SCFD2: variants seen among roughly 807,000 people sequenced by gnomAD.
SCFD2 encodes sec1 family domain-containing protein 2.
A neutral mutation model predicts 58.9 loss-of-function variants in SCFD2; 54 were observed. The observed-to-expected ratio is 0.92, with a 90% CI of 0.74 to 1.15. The LOEUF (loss-of-function observed/expected upper bound fraction) is 1.15. SCFD2 is among the 50% of genes most tolerant of loss of function. The pLI, the probability that SCFD2 is intolerant of heterozygous loss-of-function variation, is 0.00. For synonymous variants in SCFD2, 321 were observed against 335.9 expected (o/e 0.96, Z 0.49); for missense variants, 805 against 836.6 (o/e 0.96, Z 0.47).
At chr4:53,114,231 T>A (rs1725255767) in intron 5 of SCFD2, among the ~76,000 whole-genome samples, 1 of 152,148 alleles carries the variant, frequency 6.6e-6, no homozygotes, top group African/African-American at 2.4e-5. Context: ...TTTTGTTAAA[T>A]ACACACAAAT....
At chr4:53,232,041 G>C (rs1423539168) in intron 4 of SCFD2, among the ~76,000 whole-genome samples, 2 of 152,034 alleles carry the variant, frequency 1.3e-5, no homozygotes, top group Non-Finnish European at 2.9e-5. Flanking sequence ...AGACAGAAGA[G>C]AAATTCTATA....
intron 4 of SCFD2, among the ~76,000 whole-genome samples, chr4:53,263,275 T>C (rs1730881780): frequency 6.6e-6 from 1 of 152,160 alleles, no homozygotes; most frequent in Non-Finnish European, 1.5e-5. Context: ...TCATCTTGGT[T>C]TGGATTGCTG....
intron 4 of SCFD2, among the ~76,000 whole-genome samples, chr4:53,146,812 T>C: frequency 6.6e-6 from 1 of 152,206 alleles, no homozygotes; most frequent in East Asian, 1.9e-4. Context: ...TTCTAATTTT[T>C]ATTAGTTATT....
chr4:53,365,333 C>T lies in SCFD2; in HGVS notation c.609G>A (p.Val203=). ...GCTCTGGGGTTAGCGTAGTGGAGTC[C>T]ACATCACCCAGGCTTCCCAGCTTCC... ...DKRKLGSLGD[V]DSTTLTPELL... The change falls in exon 1 of 9, where the codon GTG becomes GTA. Residue 203 remains valine, a synonymous_variant. Transcript: ENST00000401642. This position sits in a 1 kb window ranked among gnomAD's most constrained non-coding sequence, Gnocchi z 4.3. The T allele has an allele frequency of 1.2e-6, 2 of 1,614,186 alleles. No individual in the cohort carries two copies. The highest frequency in any genetic ancestry group is 1.7e-6 in the Non-Finnish European group (2 of 1,180,036).
At chr4:53,231,072 G>A (rs535333478) in intron 4 of SCFD2, among the ~76,000 whole-genome samples, 1 of 152,070 alleles carries the variant, frequency 6.6e-6, no homozygotes, top group African/African-American at 2.4e-5. Context: ...ACAACTGATA[G>A]GTATTATTAT....
chr4:53,165,771 C>T (rs1726988884), intron 4 of SCFD2, among the ~76,000 whole-genome samples: 1 of 152,178 alleles, frequency 6.6e-6, no homozygotes, highest in Non-Finnish European at 1.5e-5. Flanking sequence ...GCTGTAGCCC[C>T]AGTGTCTAAA....
chr4:52,985,264 T>C (rs1030596682), intron 5 of SCFD2, among the ~76,000 whole-genome samples: 1 of 152,210 alleles, frequency 6.6e-6, no homozygotes, highest in Admixed American at 6.5e-5. Flanking sequence ...CATGTGTTAG[T>C]GAAAACACAG....
chr4:53,347,686 G>A (rs1417643649), intron 2 of SCFD2, among the ~76,000 whole-genome samples: 27 of 152,166 alleles, frequency 1.8e-4, no homozygotes, highest in Admixed American at 1.4e-3. Flanking sequence ...GACCCAGCAC[G>A]TCCAATTGGA....
At chr4:52,897,939 G>A (rs187148364) in intron 7 of SCFD2, among the ~76,000 whole-genome samples, 188 of 152,306 alleles carry the variant, frequency 1.2e-3, no homozygotes, top group African/African-American at 4.3e-3. Context: ...TAGTTTATTT[G>A]CGCAGAGGTG....
At chr4:53,201,124 T>C (rs559878624) in intron 4 of SCFD2, among the ~76,000 whole-genome samples, 10 of 152,216 alleles carry the variant, frequency 6.6e-5, no homozygotes, top group South Asian at 6.2e-4. Context: ...GCTGCACCCA[T>C]TAATTCGTCA....
chr4:53,068,057 C>T (rs1577701093), intron 5 of SCFD2, among the ~76,000 whole-genome samples: 1 of 152,146 alleles, frequency 6.6e-6, no homozygotes, highest in East Asian at 1.9e-4. Flanking sequence ...GCCCTTATGA[C>T]TTATTAAAAC....
At chr4:53,028,509 G>A (rs963312989) in intron 5 of SCFD2, among the ~76,000 whole-genome samples, 1 of 152,046 alleles carries the variant, frequency 6.6e-6, no homozygotes. Flanking sequence ...GAGGAACTAT[G>A]TCTTATTTTT....
chr4:53,146,897 C>T (rs1726348073), intron 4 of SCFD2, among the ~76,000 whole-genome samples: 2 of 152,160 alleles, frequency 1.3e-5, no homozygotes, highest in African/African-American at 4.8e-5. Flanking sequence ...ACAGTATATA[C>T]AGGATTCAGG....
At chr4:52,919,178 C>T (rs529652804) in intron 6 of SCFD2, among the ~76,000 whole-genome samples, 30 of 152,248 alleles carry the variant, frequency 2.0e-4, no homozygotes, top group African/African-American at 5.3e-4. Context: ...TACATGTTTA[C>T]GTGAAGTTGG....
intron 5 of SCFD2, among the ~76,000 whole-genome samples, chr4:52,990,683 T>C (rs772437393): frequency 6.6e-6 from 1 of 152,216 alleles, no homozygotes; most frequent in Non-Finnish European, 1.5e-5. Context: ...AGTATTCTCT[T>C]ACTAAAGCAT....
At chr4:53,179,832 A>T (rs1486740744) in intron 4 of SCFD2, among the ~76,000 whole-genome samples, 8 of 152,198 alleles carry the variant, frequency 5.3e-5, no homozygotes, top group Non-Finnish European at 1.0e-4. Context: ...GAAAACAAAA[A>T]AAGGCAGGGG....
chr4:52,991,123 A>T (rs1047832643), intron 5 of SCFD2, among the ~76,000 whole-genome samples: 1 of 152,118 alleles, frequency 6.6e-6, no homozygotes, highest in Non-Finnish European at 1.5e-5. Context: ...TCTGGCCTGC[A>T]GGGAAGCTTG....
At chr4:53,255,701 A>C (rs554842835) in intron 4 of SCFD2, among the ~76,000 whole-genome samples, 24 of 152,260 alleles carry the variant, frequency 1.6e-4, no homozygotes, top group East Asian at 5.8e-4. Context: ...CATTGTCATC[A>C]TGGCCCGTTC....
intron 2 of SCFD2, among the ~76,000 whole-genome samples, chr4:53,347,361 G>T (rs1477033624): frequency 6.6e-6 from 1 of 152,164 alleles, no homozygotes; most frequent in Non-Finnish European, 1.5e-5. Context: ...TGAATGCCGG[G>T]AGTGCCTGGC....
Sources: gnomAD v4.1 joint callset for allele counts (sites outside exome capture counted in the v4.1 genomes callset) on GRCh38, gnomAD v4.1.1 for gene constraint, Gnocchi (gnomAD v3.1) non-coding constraint, MANE v1.5 for transcripts, NCBI Gene and HGNC (gene_info 2026-07-23, HGNC 2026-07-21) for gene names.